Variants in SNTG1 observed in about 807,000 individuals in gnomAD.
SNTG1 encodes syntrophin gamma 1.
Under a neutral mutation model 74.7 loss-of-function variants are expected in SNTG1, and 39 were observed. The ratio of observed to expected loss-of-function variants is 0.52; its 90% CI spans 0.40 to 0.68. SNTG1 has a LOEUF of 0.68. Among genes scored for constraint, SNTG1 ranks in the 30% least tolerant of loss-of-function variants. SNTG1 has a pLI of 0.00. For missense variants in SNTG1, 685 were observed against 609.5 expected (o/e 1.12, Z -1.30); for synonymous variants, 254 against 217.1 (o/e 1.17, Z -1.49).
intron 17 of SNTG1, among the ~76,000 whole-genome samples, chr8:50,748,186 C>T (rs1450055309): frequency 6.6e-6 from 1 of 151,906 alleles, no homozygotes; most frequent in Non-Finnish European, 1.5e-5. Context: ...AAAAGTTATG[C>T]ATATGAATAT....
intron 1 of SNTG1, among the ~76,000 whole-genome samples, chr8:49,935,671 C>T (rs1396629627): frequency 6.6e-6 from 1 of 152,184 alleles, no homozygotes; most frequent in African/African-American, 2.4e-5. Flanking sequence ...GATGTATGCT[C>T]AGCCAGGACA....
chr8:50,706,369 T>C (rs11996371), intron 16 of SNTG1, among the ~76,000 whole-genome samples: 150,543 of 152,268 alleles, frequency 0.99, 74,425 homozygotes, highest in East Asian at 1. Context: ...TAATGGAATG[T>C]AAGTTGACAG....
intron 1 of SNTG1, among the ~76,000 whole-genome samples, chr8:50,042,511 T>C (rs1818724149): frequency 6.6e-6 from 1 of 152,006 alleles, no homozygotes; most frequent in Non-Finnish European, 1.5e-5. Context: ...CAGTGAACCA[T>C]GATAGCATCA....
intron 2 of SNTG1, among the ~76,000 whole-genome samples, chr8:50,233,784 T>G (rs1300875773): frequency 6.6e-6 from 1 of 151,392 alleles, no homozygotes; most frequent in East Asian, 1.9e-4. Context: ...GGATGGCAAA[T>G]AAGCACCTGA....
At chr8:50,122,361 T>G (rs2081024519) in intron 1 of SNTG1, among the ~76,000 whole-genome samples, 1 of 141,472 alleles carries the variant, frequency 7.1e-6, no homozygotes. Flanking sequence ...GGAGAAGTAG[T>G]GAAAGTGAGG....
At position 50,502,830 on chromosome 8, in the gene SNTG1, T is replaced by TA. The variant is rs778127040; in HGVS notation, c.421dup (p.Arg141LysfsTer12). The TA allele has an allele frequency of 6.2e-7, 1 of 1,613,520 alleles. No homozygotes were observed. Among genetic ancestry groups the TA allele is most frequent in the Non-Finnish European group, 8.5e-7 (1 of 1,179,658 alleles). ...GAAGTGACTCTAACAGTGTCATTTTTAAAAAGAGCACCTGCTTTCCTCAAA... is the reference window on the plus strand; with the variant it reads ...GAAGTGACTCTAACAGTGTCATTTTTAAAAAAGAGCACCTGCTTTCCTCAAA... On this transcript the variant is annotated frameshift_variant, in exon 9 of 19. Transcript: ENST00000642720. LOFTEE classifies it high-confidence loss of function.
chr8:50,329,118 T>A (rs1471026494), intron 2 of SNTG1, among the ~76,000 whole-genome samples: 1 of 152,152 alleles, frequency 6.6e-6, no homozygotes, highest in Non-Finnish European at 1.5e-5. Flanking sequence ...CACACTGATG[T>A]AAAAGTTGGG....
At chr8:50,009,730 G>A (rs1326216043) in intron 1 of SNTG1, among the ~76,000 whole-genome samples, 1 of 152,174 alleles carries the variant, frequency 6.6e-6, no homozygotes, top group African/African-American at 2.4e-5. Flanking sequence ...GCCTGTGGTG[G>A]CTCACGCCTA....
intron 9 of SNTG1, among the ~76,000 whole-genome samples, chr8:50,512,641 C>A (rs977676234): frequency 6.6e-6 from 1 of 152,106 alleles, no homozygotes; most frequent in African/African-American, 2.4e-5. Context: ...CTCTAAACTT[C>A]TCTTCTAGCT....
chr8:50,236,532 G>A (rs1373937625), intron 2 of SNTG1, among the ~76,000 whole-genome samples: 1 of 147,452 alleles, frequency 6.8e-6, no homozygotes, highest in African/African-American at 2.5e-5. Context: ...CTCACTGCAA[G>A]CTCCACCTCC....
chr8:50,595,695 T>G (rs1243952073), intron 13 of SNTG1, among the ~76,000 whole-genome samples: 3 of 152,080 alleles, frequency 2.0e-5, no homozygotes, highest in Non-Finnish European at 4.4e-5. Context: ...TTTTACATTT[T>G]CCAGATTGTT....
At chr8:50,208,522 A>G (rs1410607272) in intron 2 of SNTG1, among the ~76,000 whole-genome samples, 1 of 152,100 alleles carries the variant, frequency 6.6e-6, no homozygotes, top group African/African-American at 2.4e-5. Context: ...CCAATTTACC[A>G]TTCTGTGTCT....
At chr8:50,262,965 G>C (rs938194656) in intron 2 of SNTG1, among the ~76,000 whole-genome samples, 1 of 152,094 alleles carries the variant, frequency 6.6e-6, no homozygotes, top group South Asian at 2.1e-4. Flanking sequence ...ACAGAAGGGA[G>C]AATTTTTAGT....
At chr8:50,010,547 A>T (rs1815680281) in intron 1 of SNTG1, among the ~76,000 whole-genome samples, 1 of 152,216 alleles carries the variant, frequency 6.6e-6, no homozygotes, top group South Asian at 2.1e-4. Flanking sequence ...AAAAAAAATC[A>T]TATACCCTAA....
At chr8:50,040,898 A>G (rs908961530) in intron 1 of SNTG1, among the ~76,000 whole-genome samples, 67 of 152,048 alleles carry the variant, frequency 4.4e-4, no homozygotes, top group Non-Finnish European at 9.6e-4. Context: ...TAAATTAATT[A>G]TTATTATTAT....
At chr8:50,137,481 CTT>C (rs1475711372) in intron 1 of SNTG1, among the ~76,000 whole-genome samples, 1 of 152,184 alleles carries the variant, frequency 6.6e-6, no homozygotes, top group Non-Finnish European at 1.5e-5. Context: ...AAAACCAAGA[CTT>C]TGCTTGAAGA....
intron 1 of SNTG1, among the ~76,000 whole-genome samples, chr8:50,042,807 A>G (rs898459684): frequency 4.6e-5 from 7 of 151,540 alleles, no homozygotes; most frequent in African/African-American, 1.7e-4. Flanking sequence ...AGTGTTGCCC[A>G]GGCTAATCTA....
chr8:50,629,157 G>A (rs928203314), intron 13 of SNTG1, among the ~76,000 whole-genome samples: 35 of 152,118 alleles, frequency 2.3e-4, no homozygotes, highest in African/African-American at 7.0e-4. Context: ...ACAGCATGAG[G>A]ACTATACTTA....
intron 15 of SNTG1, among the ~76,000 whole-genome samples, chr8:50,704,044 A>G (rs964971735): frequency 3.3e-5 from 5 of 152,340 alleles, no homozygotes; most frequent in African/African-American, 1.2e-4. Context: ...TAAGACCAAG[A>G]AATTGCCAGC....
Sources: gnomAD v4.1 joint callset for allele counts (sites outside exome capture counted in the v4.1 genomes callset) on GRCh38, gnomAD v4.1.1 for gene constraint, MANE v1.5 for transcripts, NCBI Gene and HGNC (gene_info 2026-07-23, HGNC 2026-07-21) for gene names.